The following GPC6 variants were observed in gnomAD, a reference collection of about 807,000 sequenced individuals.
GPC6 encodes the protein glypican 6, also known as glypican-6.
GPC6 carries 14 observed loss-of-function variants against 55.2 expected under a neutral mutation model. The observed-to-expected ratio is 0.25, with a 90% CI of 0.17 to 0.40. GPC6 has a LOEUF of 0.40. GPC6 is among the 10% of genes least tolerant of loss of function. The pLI, the probability that GPC6 is intolerant of heterozygous loss-of-function variation, is 1.00. For missense variants in GPC6, 641 were observed against 708.5 expected (o/e 0.90, Z 1.08); for synonymous variants, 278 against 259.6 (o/e 1.07, Z -0.68).
chr13:93,326,860 G>A (rs1879676276), intron 1 of GPC6, among the ~76,000 whole-genome samples: 1 of 152,200 alleles, frequency 6.6e-6, no homozygotes, highest in Admixed American at 6.5e-5. Context: ...ATACTGTGTA[G>A]TGTCTGTTGC....
chr13:93,258,522 C>G (rs1877030997), intron 1 of GPC6, among the ~76,000 whole-genome samples: 1 of 152,078 alleles, frequency 6.6e-6, no homozygotes. Flanking sequence ...AGTTCTTCAC[C>G]CCCAAGTTTC....
At chr13:93,722,710 T>C (rs1224055802) in intron 2 of GPC6, among the ~76,000 whole-genome samples, 1 of 151,974 alleles carries the variant, frequency 6.6e-6, no homozygotes, top group Non-Finnish European at 1.5e-5. Flanking sequence ...TCATGGTTCT[T>C]ATAGCTGCAC....
chr13:93,372,980 G>T (rs1466307764), intron 1 of GPC6, among the ~76,000 whole-genome samples: 4 of 152,128 alleles, frequency 2.6e-5, no homozygotes, highest in African/African-American at 7.2e-5. Flanking sequence ...ACATATGCAG[G>T]GTCGTCTTTC....
intron 2 of GPC6, among the ~76,000 whole-genome samples, chr13:93,574,706 A>C (rs1362952841): frequency 6.6e-6 from 1 of 152,134 alleles, no homozygotes; most frequent in Admixed American, 6.5e-5. Flanking sequence ...AAAATCTTTC[A>C]GGTTGGTTTG....
chr13:93,253,253 G>A (rs1876846257), intron 1 of GPC6, among the ~76,000 whole-genome samples: 2 of 152,130 alleles, frequency 1.3e-5, no homozygotes, highest in African/African-American at 4.8e-5. Context: ...CAGGCCTAGG[G>A]ATAAAGCAAT....
chr13:93,762,432 A>G (rs1336395980), intron 2 of GPC6, among the ~76,000 whole-genome samples: 2 of 152,184 alleles, frequency 1.3e-5, no homozygotes, highest in Non-Finnish European at 2.9e-5. Flanking sequence ...TGAATCAATA[A>G]ATGCTTCTTG....
chr13:94,332,438 A>G lies in GPC6; in HGVS notation c.1152+26315A>G, dbSNP rs189029546. Among the ~76,000 whole-genome samples the G allele has an allele frequency of 3.8e-3, 576 of 152,324 alleles. 1 individual carries two copies. Among genetic ancestry groups the G allele is most frequent in the Non-Finnish European group, 6.3e-3 (429 of 68,024 alleles). ...AGTCTTGGGTCTGACGGATTGCTCA[A>G]ATTATATTCTTGCTGTTCCATTTTG... is the stretch of plus-strand genomic sequence containing the variant. On this transcript the variant is annotated intron_variant, in intron 6 of 8. Coordinates refer to ENST00000377047, the MANE Select transcript of GPC6 (RefSeq NM_005708.5).
intron 2 of GPC6, among the ~76,000 whole-genome samples, chr13:93,595,877 G>A (rs1877705216): frequency 6.6e-6 from 1 of 152,156 alleles, no homozygotes; most frequent in African/African-American, 2.4e-5. Flanking sequence ...TCCAATGGAT[G>A]ACCGTACAGT....
chr13:93,750,284 T>C (rs1884532942), intron 2 of GPC6, among the ~76,000 whole-genome samples: 1 of 152,182 alleles, frequency 6.6e-6, no homozygotes, highest in Non-Finnish European at 1.5e-5. Flanking sequence ...GAATTCTACT[T>C]GGCTATTTCT....
At chr13:94,036,053 C>A (rs1883320799) in intron 4 of GPC6, among the ~76,000 whole-genome samples, 1 of 151,970 alleles carries the variant, frequency 6.6e-6, no homozygotes, top group Non-Finnish European at 1.5e-5. Context: ...GAGACGGTCT[C>A]AGTGACTTAT....
chr13:93,414,369 T>C (rs976757798), intron 1 of GPC6, among the ~76,000 whole-genome samples: 1 of 152,170 alleles, frequency 6.6e-6, no homozygotes, highest in African/African-American at 2.4e-5. Context: ...ATAGTGCTTT[T>C]GTAGCATGCA....
chr13:93,856,596 G>T (rs903818421), intron 3 of GPC6, among the ~76,000 whole-genome samples: 1 of 151,606 alleles, frequency 6.6e-6, no homozygotes, highest in African/African-American at 2.4e-5. Context: ...GTAGTTAGTT[G>T]GTGCACAGGC....
At chr13:94,110,429 G>A (rs1450149278) in intron 4 of GPC6, among the ~76,000 whole-genome samples, 1 of 152,046 alleles carries the variant, frequency 6.6e-6, no homozygotes, top group East Asian at 1.9e-4. Flanking sequence ...AGAGTAGAGG[G>A]TGGAGGACTG....
chr13:93,791,307 T>C (rs1886028291), intron 2 of GPC6, among the ~76,000 whole-genome samples: 1 of 152,202 alleles, frequency 6.6e-6, no homozygotes, highest in South Asian at 2.1e-4. Flanking sequence ...TGTAAAAAAC[T>C]GCAGTGCAAG....
At chr13:93,438,995 A>G (rs1877677541) in intron 1 of GPC6, among the ~76,000 whole-genome samples, 1 of 152,192 alleles carries the variant, frequency 6.6e-6, no homozygotes, top group South Asian at 2.1e-4. Context: ...CCACCAGCAA[A>G]AAGATTAATG....
rs1203331282 is a variant in GPC6, at chr13:93,581,685, C to CAG, written c.319+36272_319+36273dup. Among the ~76,000 whole-genome samples, 3 of 152,234 alleles carry CAG rather than the reference C, an allele frequency of 2.0e-5. No homozygotes were observed. In the East Asian group the frequency reaches 5.8e-4, roughly 29 times the overall value. On this transcript the variant is annotated intron_variant, in intron 2 of 8. Coordinates refer to ENST00000377047, the MANE Select transcript of GPC6 (RefSeq NM_005708.5). ...CGCTGCTGCACTCCAGCCTGGGCAACAGAGAGAGACCCTGTCTCAAAAGAA... is the reference window on the plus strand; with the variant it reads ...CGCTGCTGCACTCCAGCCTGGGCAACAGAGAGAGAGACCCTGTCTCAAAAGAA...
At chr13:93,239,271 G>T (rs568462267) in intron 1 of GPC6, among the ~76,000 whole-genome samples, 1 of 151,938 alleles carries the variant, frequency 6.6e-6, no homozygotes, top group East Asian at 1.9e-4. Context: ...CTTGTTATTT[G>T]TCTGTTCAGG....
chr13:93,697,299 A>T (rs978082364), intron 2 of GPC6, among the ~76,000 whole-genome samples: 5 of 152,050 alleles, frequency 3.3e-5, no homozygotes, highest in East Asian at 1.9e-4. Flanking sequence ...GTGCCTTTTT[A>T]TGGCTGTTTC....
At chr13:94,165,055 C>T (rs1362450023) in intron 4 of GPC6, among the ~76,000 whole-genome samples, 1 of 151,468 alleles carries the variant, frequency 6.6e-6, no homozygotes, top group Admixed American at 6.6e-5. Context: ...GGTATCTTCC[C>T]AGAGGAAAAA....
Sources: gnomAD v4.1 joint callset for allele counts (sites outside exome capture counted in the v4.1 genomes callset) on GRCh38, gnomAD v4.1.1 for gene constraint, MANE v1.5 for transcripts, NCBI Gene and HGNC (gene_info 2026-07-23, HGNC 2026-07-21) for gene names.